Variants in C10orf90 observed in about 807,000 individuals in gnomAD.
C10orf90 encodes the protein chromosome 10 open reading frame 90, also known as (E2-independent) E3 ubiquitin-conjugating enzyme FATS.
Under a neutral mutation model 62.5 loss-of-function variants are expected in C10orf90, and 56 were observed. The ratio of observed to expected loss-of-function variants is 0.90; its 90% CI spans 0.72 to 1.12. The LOEUF (loss-of-function observed/expected upper bound fraction) is 1.12, where lower values mean the gene tolerates loss of function less well. Ranked by LOEUF, C10orf90 falls within the 50% of genes most tolerant of loss-of-function variation. The pLI is 0.00. For missense variants in C10orf90, 970 were observed against 880.4 expected (o/e 1.10, Z -1.29); for synonymous variants, 386 against 340.4 (o/e 1.13, Z -1.47).
intron 4 of C10orf90, chr10:126,469,994 C>T (rs1368212314): frequency 4.4e-6 from 2 of 456,606 alleles, no homozygotes; most frequent in Non-Finnish European, 8.8e-6. Flanking sequence ...CATTCTTCTG[C>T]ATGTTGTGTC....
chr10:126,597,444 A>G (rs1306456849), intron 2 of C10orf90, among the ~76,000 whole-genome samples: 1 of 152,204 alleles, frequency 6.6e-6, no homozygotes, highest in Non-Finnish European at 1.5e-5. Context: ...GGAGGTTGGA[A>G]CCAAATGCCA....
intron 2 of C10orf90, among the ~76,000 whole-genome samples, chr10:126,606,348 C>T (rs947311096): frequency 2.6e-5 from 4 of 152,158 alleles, no homozygotes; most frequent in Non-Finnish European, 5.9e-5. Context: ...TGGCTCATTG[C>T]CCTGACACCA....
intron 2 of C10orf90, among the ~76,000 whole-genome samples, chr10:126,613,509 G>A (rs552599351): frequency 6.6e-6 from 1 of 152,180 alleles, no homozygotes; most frequent in Non-Finnish European, 1.5e-5. Flanking sequence ...GCCTCCCAAA[G>A]TGCTGGGATT....
intron 4 of C10orf90, among the ~76,000 whole-genome samples, chr10:126,490,270 A>G (rs1054294850): frequency 2.7e-5 from 4 of 150,820 alleles, no homozygotes; most frequent in Admixed American, 2.0e-4. Context: ...TAAGCCAATC[A>G]CAAAAGAACA....
chr10:126,585,724 A>T (rs1311425751), intron 2 of C10orf90, among the ~76,000 whole-genome samples: 2 of 152,182 alleles, frequency 1.3e-5, no homozygotes, highest in African/African-American at 4.8e-5. Flanking sequence ...ATTGAAGACC[A>T]AATTGGAAAG....
chr10:126,443,601 AAAG>A (rs369185517), intron 7 of C10orf90, among the ~76,000 whole-genome samples: 177 of 149,746 alleles, frequency 1.2e-3, no homozygotes, highest in African/African-American at 4.3e-3. Context: ...CTAGCCATTC[AAAG>A]AAGAATTGAT....
chr10:126,561,387 C>T (rs899793059), intron 2 of C10orf90, among the ~76,000 whole-genome samples: 2 of 152,124 alleles, frequency 1.3e-5, no homozygotes, highest in Non-Finnish European at 2.9e-5. Context: ...GAGAGTGATT[C>T]CATGGAGATG....
chr10:126,559,562 A>G (rs904842471), intron 2 of C10orf90, among the ~76,000 whole-genome samples: 6 of 152,226 alleles, frequency 3.9e-5, no homozygotes, highest in Admixed American at 3.3e-4. Context: ...GGATCCATCC[A>G]TCCCCACCAA....
Position 126,640,884 on chromosome 10 carries a change from T to C in C10orf90, c.313+5681A>G, listed in dbSNP as rs74158857. Among the ~76,000 whole-genome samples, 545 of 152,296 alleles carry C rather than the reference T, an allele frequency of 3.6e-3. 3 individuals carry two copies. Among genetic ancestry groups the C allele is most frequent in the African/African-American group, 0.013 (531 of 41,546 alleles). ...CTCTGGGGACTGATGTGATTTTTGA[T>C]TGGAGAAGTTGCATTGATTGGAGAT... is the stretch of plus-strand genomic sequence containing the variant. On this transcript the variant is annotated intron_variant, in intron 2 of 9. Transcript: ENST00000488181.
intron 2 of C10orf90, among the ~76,000 whole-genome samples, chr10:126,518,896 GC>G (rs1291909613): frequency 6.6e-6 from 1 of 152,068 alleles, no homozygotes; most frequent in Non-Finnish European, 1.5e-5. Context: ...CCGGTTTTCT[GC>G]CTGGAGGGCG....
intron 2 of C10orf90, among the ~76,000 whole-genome samples, chr10:126,567,089 T>C (rs1184637459): frequency 6.6e-6 from 1 of 152,282 alleles, no homozygotes; most frequent in Admixed American, 6.5e-5. Context: ...CTGGGTGCCC[T>C]GGTCATAAAG....
intron 2 of C10orf90, among the ~76,000 whole-genome samples, chr10:126,562,806 G>A: frequency 6.6e-6 from 1 of 152,138 alleles, no homozygotes; most frequent in Admixed American, 6.5e-5. Flanking sequence ...AAACCATCAG[G>A]CGAGCCCCTT....
chr10:126,655,930 G>A (rs914158027), intron 1 of C10orf90, among the ~76,000 whole-genome samples: 3 of 151,864 alleles, frequency 2.0e-5, no homozygotes, highest in Non-Finnish European at 4.4e-5. Context: ...GGGGGGAGAA[G>A]ACCTTCAGAT....
chr10:126,487,741 C>A (rs1042562605), intron 4 of C10orf90, among the ~76,000 whole-genome samples: 1 of 151,894 alleles, frequency 6.6e-6, no homozygotes, highest in Admixed American at 6.6e-5. Flanking sequence ...ATAAGATCTG[C>A]GTGCACAAGG....
intron 2 of C10orf90, among the ~76,000 whole-genome samples, chr10:126,572,766 C>T (rs1844532849): frequency 6.6e-6 from 1 of 152,208 alleles, no homozygotes; most frequent in African/African-American, 2.4e-5. Context: ...CCTCATTTTA[C>T]CCAGCTCCTA....
chr10:126,545,202 G>A (rs1864464141), intron 2 of C10orf90, among the ~76,000 whole-genome samples: 1 of 152,024 alleles, frequency 6.6e-6, no homozygotes, highest in African/African-American at 2.4e-5. Flanking sequence ...ATCCTCCGGA[G>A]CCAGGTCTCT....
At chr10:126,579,062 G>GGT (rs374059573) in intron 2 of C10orf90, among the ~76,000 whole-genome samples, 1,795 of 143,468 alleles carry the variant, frequency 0.013, 37 homozygotes, top group African/African-American at 0.045. Flanking sequence ...TCAATTAAAA[G>GGT]TTTTTTTTTA....
At chr10:126,612,483 G>T (rs1399351859) in intron 2 of C10orf90, among the ~76,000 whole-genome samples, 1 of 152,188 alleles carries the variant, frequency 6.6e-6, no homozygotes, top group Non-Finnish European at 1.5e-5. Flanking sequence ...TGTGAGAGAC[G>T]CTAATCAGAG....
rs190194257 is a variant in C10orf90 at position 126,658,809 on chromosome 10, C to G, written c.240+11432G>C. On this transcript the variant is annotated intron_variant, in intron 1 of 9. Transcript: ENST00000488181. ...ATGGGGTCTCACTATGTTGCCCAGG[C>G]TAGTCTTGAATGGGCTCAAATGATC... Among the ~76,000 whole-genome samples the G allele has an allele frequency of 2.9e-3, 447 of 152,228 alleles. 2 individuals are homozygous for G. Among genetic ancestry groups the G allele is most frequent in the African/African-American group, 0.01 (424 of 41,536 alleles).
Sources: gnomAD v4.1 joint callset for allele counts (sites outside exome capture counted in the v4.1 genomes callset) on GRCh38, gnomAD v4.1.1 for gene constraint, MANE v1.5 for transcripts, NCBI Gene and HGNC (gene_info 2026-07-23, HGNC 2026-07-21) for gene names.